ASRGL1: variants seen among roughly 807,000 people sequenced by gnomAD.
The protein encoded by ASRGL1 is isoaspartyl peptidase/L-asparaginase.
Under a neutral mutation model 22.4 loss-of-function variants are expected in ASRGL1, and 16 were observed. That is an observed-to-expected ratio of 0.71 (90% CI 0.48 to 1.08). The LOEUF (loss-of-function observed/expected upper bound fraction) is 1.08. Ranked by LOEUF, ASRGL1 falls within the 50% of genes least tolerant of loss-of-function variation. The pLI is 0.00. For synonymous variants in ASRGL1, 165 were observed against 159.3 expected, an observed-to-expected ratio of 1.04 and a Z score of -0.27; for missense variants, 412 against 410.1, an observed-to-expected ratio of 1.00 and a Z score of -0.04.
intron 2 of ASRGL1, among the ~76,000 whole-genome samples, chr11:62,338,949 A>AAAAAC (rs56398788): frequency 1.4e-5 from 2 of 148,126 alleles, no homozygotes; most frequent in Admixed American, 6.8e-5. Flanking sequence ...AAAAAAAAAA[A>AAAAAC]CTGAAAAAAG....
intron 4 of ASRGL1, among the ~76,000 whole-genome samples, chr11:62,378,675 C>T (rs986111333): frequency 6.6e-6 from 1 of 152,122 alleles, no homozygotes; most frequent in Non-Finnish European, 1.5e-5. Flanking sequence ...TTAACTTATG[C>T]CATCTGCCGG....
In ASRGL1 at chr11:62,389,235, G is replaced by A; in HGVS notation, c.594G>A (p.Gly198=). The stretch of plus-strand genomic sequence containing the variant: ...TTAATAAAATGGTCGGCCGCGTTGG[G>A]GACTCACCGTGTCTAGGTAGGACCA... The part of the protein sequence containing the change: ...GIVNKMVGRV[G]DSPCLGAGGY... Residue 198 remains glycine (G), a synonymous_variant, in exon 5 of 7, where the codon GGG becomes GGA. Coordinates refer to ENST00000415229, the MANE Select transcript of ASRGL1 (RefSeq NM_001083926.2). 1 of 1,613,960 alleles carries A rather than the reference G, an allele frequency of 6.2e-7. No individual in the cohort carries two copies. The highest frequency in any genetic ancestry group is 8.5e-7 in the Non-Finnish European group (1 of 1,179,932).
At chr11:62,337,758 C>A in intron 1 of ASRGL1, 132 bp from the exon 2 acceptor site, 1 of 489,158 alleles carries the variant, frequency 2.0e-6, no homozygotes. Flanking sequence ...AGGTCCGGGC[C>A]GGGGGCGGAG....
chr11:62,389,977 C>G (rs527320391), intron 5 of ASRGL1, among the ~76,000 whole-genome samples: 13 of 152,346 alleles, frequency 8.5e-5, no homozygotes, highest in African/African-American at 3.1e-4. Context: ...ATAATCTACA[C>G]TCTCGACAAT....
In ASRGL1 at chr11:62,372,604, G is replaced by GA; in HGVS notation, c.491+15461dup. 4 of 873,674 alleles carry GA rather than the reference G, an allele frequency of 4.6e-6. No homozygotes were observed. The South Asian group carries it at 5.3e-5, about 11-fold the overall frequency. 54.1% of individuals were successfully genotyped at this position (873,674 alleles called of 1,614,324 possible). On this transcript the variant is annotated intron_variant, in intron 4 of 6. Coordinates refer to ENST00000415229, the MANE Select transcript of ASRGL1 (RefSeq NM_001083926.2). The stretch of plus-strand genomic sequence containing the variant: ...CTGCCTGTACCAAATATGGTTATGC[G>GA]AGACGTGGCCTGTGGCGCTAACCAC...
Position 62,374,623 on chromosome 11 carries a change from A to G in ASRGL1, c.492-14510A>G, listed in dbSNP as rs868485739. Among the ~76,000 whole-genome samples the G allele has an allele frequency of 4.0e-5, 6 of 151,460 alleles. 1 individual carries two copies. Among genetic ancestry groups the G allele is most frequent in the South Asian group, 4.2e-4 (2 of 4,798 alleles). ...TCTAGTTGTTGTTACTTTTTTCCCT[A>G]TTTTCCACCCCAGTCGCTCCTTACC... is the stretch of plus-strand genomic sequence containing the variant. On this transcript the variant is annotated intron_variant, in intron 4 of 6. Transcript: ENST00000415229.
At chr11:62,384,031 T>TGC (rs1211097382) in intron 4 of ASRGL1, among the ~76,000 whole-genome samples, 17 of 140,076 alleles carry the variant, frequency 1.2e-4, no homozygotes, top group African/African-American at 4.5e-4. Flanking sequence ...TGTGCACGTG[T>TGC]GTGCGTGTGT....
chr11:62,394,075 ATATT>A (rs945193831), downstream of ASRGL1, among the ~76,000 whole-genome samples: 2 of 143,360 alleles, frequency 1.4e-5, no homozygotes, highest in Admixed American at 7.3e-5. Flanking sequence ...TATTTATTAT[ATATT>A]ATAATTTATA....
At chr11:62,362,521 T>TAAAA (rs1565161864) in intron 4 of ASRGL1, among the ~76,000 whole-genome samples, 1,107 of 31,524 alleles carry the variant, frequency 0.035, 17 homozygotes, top group Non-Finnish European at 0.042. Context: ...CATATATTAT[T>TAAAA]TATATAATAT....
chr11:62,380,888 C>T (rs1947049951), intron 4 of ASRGL1, among the ~76,000 whole-genome samples: 1 of 152,080 alleles, frequency 6.6e-6, no homozygotes, highest in African/African-American at 2.4e-5. Flanking sequence ...TGTTTCCTTG[C>T]CTTATCAATA....
the ASRGL1 span, among the ~76,000 whole-genome samples, chr11:62,400,860 A>T: frequency 6.6e-6 from 1 of 152,224 alleles, no homozygotes; most frequent in Non-Finnish European, 1.5e-5. Flanking sequence ...AGTAGCTCAG[A>T]TGCCAGAGGA....
At chr11:62,347,457 T>C (rs1946055604) in intron 2 of ASRGL1, among the ~76,000 whole-genome samples, 1 of 152,158 alleles carries the variant, frequency 6.6e-6, no homozygotes, top group South Asian at 2.1e-4. Flanking sequence ...ATTTTGAGGC[T>C]ATCTAGCCCC....
At chr11:62,367,729 G>T (rs1946649628) in intron 4 of ASRGL1, among the ~76,000 whole-genome samples, 1 of 151,872 alleles carries the variant, frequency 6.6e-6, no homozygotes, top group African/African-American at 2.4e-5. Context: ...GGATCACAAG[G>T]TCAGGAGTTC....
the ASRGL1 span, among the ~76,000 whole-genome samples, chr11:62,399,028 C>T: frequency 1.1e-3 from 166 of 152,184 alleles, no homozygotes; most frequent in Non-Finnish European, 1.3e-3. Flanking sequence ...ATTAGCTGGA[C>T]GTGGTGGTGC....
intron 2 of ASRGL1, among the ~76,000 whole-genome samples, chr11:62,350,623 T>A (rs1565155334): frequency 6.6e-6 from 1 of 151,976 alleles, no homozygotes; most frequent in Admixed American, 6.6e-5. Context: ...TGGTGAAACC[T>A]CATCTCTACT....
intron 2 of ASRGL1, among the ~76,000 whole-genome samples, chr11:62,349,673 G>A (rs1241329600): frequency 6.6e-6 from 1 of 152,152 alleles, no homozygotes; most frequent in Non-Finnish European, 1.5e-5. Flanking sequence ...CCAAGAGAAG[G>A]TTCTTGGATC....
At chr11:62,400,680 A>G in the ASRGL1 span, among the ~76,000 whole-genome samples, 10 of 152,238 alleles carry the variant, frequency 6.6e-5, no homozygotes, top group Middle Eastern at 3.4e-3. Context: ...GCCATTTTCC[A>G]ATCGGGGCCC....
At position 62,372,381 on chromosome 11, in the gene ASRGL1, A is replaced by G. The variant is rs992317292; in HGVS notation, c.491+15237A>G. On this transcript the variant is annotated intron_variant, in intron 4 of 6. Transcript: ENST00000415229. ...AATGTACAACAGCCTGCCAATTACCAAAATGGCCTGTGAGGCTGCAAATCA... is the reference window on the plus strand; with the variant it reads ...AATGTACAACAGCCTGCCAATTACCGAAATGGCCTGTGAGGCTGCAAATCA... The G allele has an allele frequency of 1.5e-5, 23 of 1,558,002 alleles. 1 individual carries two copies. The African/African-American group carries it at 2.6e-4, about 17-fold the overall frequency.
At position 62,363,715 on chromosome 11, in the gene ASRGL1, G is replaced by T. The variant is rs528879574; in HGVS notation, c.491+6571G>T. 2.6e-5 allele frequency among the ~76,000 whole-genome samples: 4 copies of T among 152,252 alleles called. No homozygotes were observed. In the South Asian group the frequency reaches 8.3e-4, roughly 32 times the overall value. On this transcript the variant is annotated intron_variant, in intron 4 of 6. Transcript: ENST00000415229. The stretch of plus-strand genomic sequence containing the variant: ...TTTCTAAATCTAAGTACTGCTTTGA[G>T]AATTTTGTTGGTAATTCCAGTTGCT...
Sources: allele counts gnomAD v4.1 joint callset (sites outside exome capture counted in the v4.1 genomes callset), GRCh38; gene constraint gnomAD v4.1.1; transcripts MANE v1.5; gene names NCBI Gene and HGNC (gene_info 2026-07-23, HGNC 2026-07-21).